The following LMAN1 variants were observed in gnomAD, a reference collection of about 807,000 sequenced individuals.
LMAN1 encodes the protein lectin, mannose binding 1.
A neutral mutation model predicts 67.8 loss-of-function variants in LMAN1; 32 were observed. The ratio of observed to expected loss-of-function variants is 0.47; its 90% CI spans 0.36 to 0.63. LMAN1 has a LOEUF of 0.63. Ranked by LOEUF, LMAN1 falls within the 30% of genes least tolerant of loss-of-function variation. The pLI, the probability that LMAN1 is intolerant of heterozygous loss-of-function variation, is 0.00. For synonymous variants in LMAN1, 235 were observed against 219.3 expected, an observed-to-expected ratio of 1.07 and a Z score of -0.63; for missense variants, 632 against 628.2, an observed-to-expected ratio of 1.01 and a Z score of -0.06.
rs1261694429 is a variant in LMAN1, at chr18:59,329,114, A to G, written c.*1979T>C. 1 of 152,222 alleles carries G rather than the reference A, an allele frequency of 6.6e-6. No homozygotes were observed. 9.4% of individuals were successfully genotyped at this position (152,222 alleles called of 1,614,324 possible). A position where few individuals can be genotyped will look rare whatever the true frequency, so the allele number is the denominator to read the frequency against. On this transcript the variant is annotated 3_prime_UTR_variant, in exon 13 of 13. Transcript: ENST00000251047. ...GCTCCTTAAAGTCAATGATTTTGAGAAAAACCACACTTCAAATATGATACA... is the reference window on the plus strand; with the variant it reads ...GCTCCTTAAAGTCAATGATTTTGAGGAAAACCACACTTCAAATATGATACA...
Position 59,347,497 on chromosome 18 carries a change from A to G in LMAN1, c.822+16T>C, listed in dbSNP as rs1416872319. On this transcript the variant is annotated intron_variant, in intron 7 of 12. Transcript: ENST00000251047. The stretch of plus-strand genomic sequence containing the variant: ...AACTAAACTGATAAAGTTTTTGAAA[A>G]TATGTGTAAAATTACCGGCTCTTTT... The G allele has an allele frequency of 1.3e-6, 2 of 1,597,592 alleles. No homozygotes were observed. The highest frequency in any genetic ancestry group is 2.2e-5 in the South Asian group (2 of 89,530).
At chr18:59,354,047 A>G (rs997641715) in intron 4 of LMAN1, among the ~76,000 whole-genome samples, 1 of 152,238 alleles carries the variant, frequency 6.6e-6, no homozygotes, top group South Asian at 2.1e-4. Flanking sequence ...TACGGAACCC[A>G]CAAATACAGA....
chr18:59,349,621 T>C (rs1908497723), intron 5 of LMAN1, among the ~76,000 whole-genome samples: 1 of 152,202 alleles, frequency 6.6e-6, no homozygotes, highest in Admixed American at 6.5e-5. Flanking sequence ...CAATTTTATC[T>C]GCAGCTGGTT....
chr18:59,338,023 T>A (rs190674602), intron 10 of LMAN1, among the ~76,000 whole-genome samples: 2 of 152,316 alleles, frequency 1.3e-5, no homozygotes, highest in Admixed American at 1.3e-4. Context: ...AAATTTATTG[T>A]TCAACATTCT....
In LMAN1 at chr18:59,328,635, G is replaced by A. The variant is rs2070728097; in HGVS notation, c.*2458C>T. 1 of 151,828 alleles carries A rather than the reference G, an allele frequency of 6.6e-6. No homozygotes were observed. The allele number at this position is 151,828 out of a possible 1,614,324, so 9.4% of individuals were successfully genotyped here. A position where few individuals can be genotyped will look rare whatever the true frequency, so the allele number is the denominator to read the frequency against. ...TGGTGTGCTCAGAATCTCCTGAGGT[G>A]CCTATTGAACAATGACATCCCAAAG... is the stretch of plus-strand genomic sequence containing the variant. On this transcript the variant is annotated 3_prime_UTR_variant, in exon 13 of 13. Coordinates refer to ENST00000251047, the MANE Select transcript of LMAN1 (RefSeq NM_005570.4).
chr18:59,348,966 A>G (rs1367437645), intron 6 of LMAN1, 147 bp downstream of exon 6: 2 of 940,496 alleles, frequency 2.1e-6, no homozygotes, highest in African/African-American at 1.6e-5. Context: ...ATCTCAACAG[A>G]CCAAAAGACT....
At chr18:59,348,248 G>A (rs551806719) in intron 6 of LMAN1, among the ~76,000 whole-genome samples, 2 of 152,326 alleles carry the variant, frequency 1.3e-5, no homozygotes, top group South Asian at 2.1e-4. Context: ...CAATCGTACA[G>A]CAATCTTTAT....
chr18:59,359,217 G>A lies in LMAN1; in HGVS notation c.28C>T (p.Arg10Trp), dbSNP rs138399176. The A allele has an allele frequency of 1.2e-5, 19 of 1,613,820 alleles. No homozygotes were observed. The African/African-American group carries it at 2.3e-4, about 19-fold the overall frequency. Reference sequence around the variant, plus strand: ...CAGAACAGCGGCCGAACTCTGGCCCGGAGACCCCTTTGCCTGGATCCCGCC... The same window carrying A: ...CAGAACAGCGGCCGAACTCTGGCCCAGAGACCCCTTTGCCTGGATCCCGCC... Reference protein sequence around the residue: MAGSRQRGLRARVRPLFCAL... With the variant: MAGSRQRGLWARVRPLFCAL... The change falls in exon 1 of 13, where the codon CGG (arginine) becomes TGG (tryptophan). Residue 10 changes from arginine to tryptophan, a missense_variant. Arg to Trp is a moderately radical substitution (Grantham distance 101). Coordinates refer to ENST00000251047, the MANE Select transcript of LMAN1 (RefSeq NM_005570.4).
intron 1 of LMAN1, among the ~76,000 whole-genome samples, chr18:59,356,263 GA>G (rs1325640131): frequency 6.6e-6 from 1 of 152,122 alleles, no homozygotes; most frequent in African/African-American, 2.4e-5. Flanking sequence ...CAATTCTTCA[GA>G]AGATTCTCAG....
intron 10 of LMAN1, among the ~76,000 whole-genome samples, chr18:59,335,513 C>G (rs1038987596): frequency 1.3e-5 from 2 of 151,430 alleles, no homozygotes; most frequent in African/African-American, 4.9e-5. Flanking sequence ...AAACCGGAAG[C>G]TAACAGAATT....
chr18:59,334,755 A>T (rs1292226051), intron 10 of LMAN1, among the ~76,000 whole-genome samples: 1 of 152,186 alleles, frequency 6.6e-6, no homozygotes, highest in African/African-American at 2.4e-5. Flanking sequence ...TGCTAAAAAA[A>T]ATTTCTTTGA....
At chr18:59,334,120 A>G (rs1019388339) in intron 10 of LMAN1, among the ~76,000 whole-genome samples, 5 of 152,216 alleles carry the variant, frequency 3.3e-5, no homozygotes, top group Non-Finnish European at 5.9e-5. Flanking sequence ...CTAAAATAAT[A>G]CCAAGACCAA....
intron 8 of LMAN1, among the ~76,000 whole-genome samples, chr18:59,344,769 C>G (rs1175789656): frequency 6.6e-6 from 1 of 152,116 alleles, no homozygotes; most frequent in Admixed American, 6.5e-5. Context: ...TATAAGAAAT[C>G]TGCACTTGTA....
chr18:59,342,983 T>C (rs977801900), intron 8 of LMAN1, among the ~76,000 whole-genome samples: 1 of 149,978 alleles, frequency 6.7e-6, no homozygotes, highest in East Asian at 2.0e-4. Context: ...TGTACAGAAA[T>C]CGGTAGCATT....
chr18:59,359,224 C>T lies in LMAN1; in HGVS notation c.21G>A (p.Arg7=). The T allele has an allele frequency of 3.1e-6, 5 of 1,613,864 alleles. No individual in the cohort carries two copies. Among genetic ancestry groups the T allele is most frequent in the Non-Finnish European group, 2.5e-6 (3 of 1,179,826 alleles). The change falls in exon 1 of 13, where the codon AGG becomes AGA. Residue 7 remains arginine, a synonymous_variant. Transcript: ENST00000251047. MAGSRQ[R]GLRARVRPLF... ...GCGGCCGAACTCTGGCCCGGAGACC[C>T]CTTTGCCTGGATCCCGCCATCTTGG...
At position 59,328,866 on chromosome 18, in the gene LMAN1, T is replaced by C. The variant is rs2070730280; in HGVS notation, c.*2227A>G. On this transcript the variant is annotated 3_prime_UTR_variant, in exon 13 of 13. Coordinates refer to ENST00000251047, the MANE Select transcript of LMAN1 (RefSeq NM_005570.4). ...CAAATAGGTACATTAAATAAGGATA[T>C]AAGCCATTACGCAATTGCATTTTCC... 6.6e-6 allele frequency: 1 copy of C among 152,204 alleles called. No individual in the cohort carries two copies. The highest frequency in any genetic ancestry group is 1.5e-5 in the Non-Finnish European group (1 of 68,024). 9.4% of individuals were successfully genotyped at this position (152,204 alleles called of 1,614,324 possible). A position where few individuals can be genotyped will look rare whatever the true frequency, so the allele number is the denominator to read the frequency against.
chr18:59,350,096 T>C (rs1321825323), intron 5 of LMAN1, among the ~76,000 whole-genome samples: 1 of 152,210 alleles, frequency 6.6e-6, no homozygotes. Context: ...CAAAATGTTC[T>C]GGTATTCTGT....
chr18:59,357,892 C>A lies in LMAN1; in HGVS notation c.214+1139G>T, dbSNP rs200617422. ...TTAAATGACTAGTTAATGGGTGCAG[C>A]ACACCAACATGGCAAATGTATACAT... On this transcript the variant is annotated intron_variant, in intron 1 of 12. Coordinates refer to ENST00000251047, the MANE Select transcript of LMAN1 (RefSeq NM_005570.4). 2.0e-5 allele frequency among the ~76,000 whole-genome samples: 3 copies of A among 149,942 alleles called. No homozygotes were observed. The East Asian group carries it at 5.9e-4, about 29-fold the overall frequency.
chr18:59,338,627 T>A lies in LMAN1; in HGVS notation c.1150A>T (p.Ile384Phe). 1.2e-6 allele frequency: 2 copies of A among 1,613,444 alleles called. No individual in the cohort carries two copies. Among genetic ancestry groups the A allele is most frequent in the Non-Finnish European group, 1.7e-6 (2 of 1,179,388 alleles). Residue 384 changes from isoleucine (I) to phenylalanine (F), a missense_variant and splice_region_variant, in exon 10 of 13, where the codon ATT (isoleucine) becomes TTT (phenylalanine). Physicochemically the swap from Ile to Phe is conservative, Grantham distance 21. Coordinates refer to ENST00000251047, the MANE Select transcript of LMAN1 (RefSeq NM_005570.4). ...GAGMPGQHGQ[I>F]TQQELDTVVK... Reference sequence around the variant, plus strand: ...ACAGTATCCAGTTCTTGTTGAGTAATCTGGAGGAAGAAACAATGACGAGCA... The same window carrying A: ...ACAGTATCCAGTTCTTGTTGAGTAAACTGGAGGAAGAAACAATGACGAGCA...
Sources: allele counts gnomAD v4.1 joint callset (sites outside exome capture counted in the v4.1 genomes callset), GRCh38; gene constraint gnomAD v4.1.1; transcripts MANE v1.5; gene names NCBI Gene and HGNC (gene_info 2026-07-23, HGNC 2026-07-21).